The following FREM2 variants were observed in gnomAD, a reference collection of about 807,000 sequenced individuals.
FREM2 encodes FRAS1 related extracellular matrix 2, also known as FRAS1-related extracellular matrix protein 2.
Under a neutral mutation model 219.9 loss-of-function variants are expected in FREM2, and 119 were observed. The ratio of observed to expected loss-of-function variants is 0.54; its 90% confidence interval spans 0.47 to 0.63. The LOEUF (loss-of-function observed/expected upper bound fraction) is 0.63, where lower values mean the gene tolerates loss of function less well. Among genes scored for constraint, FREM2 ranks in the 30% least tolerant of loss-of-function variants. The probability of loss-of-function intolerance (pLI) is 0.00; values close to 1 mark genes in which losing one functional copy is unlikely to be tolerated. For missense variants in FREM2, 4,030 were observed against 3,993.6 expected, an observed-to-expected ratio of 1.01 and a Z score of -0.25; for synonymous variants, 1,562 against 1,522.8, an observed-to-expected ratio of 1.03 and a Z score of -0.60.
chr13:38,830,482 T>G (rs1876465078), intron 6 of FREM2, among the ~76,000 whole-genome samples: 1 of 152,226 alleles, frequency 6.6e-6, no homozygotes, highest in African/African-American at 2.4e-5. Context: ...GGTCTAACTC[T>G]GCTTCAGTCC....
rs1308876949 is a variant in FREM2, at chr13:38,885,210, C to T, written c.*4423C>T. 3 of 152,074 alleles carry T rather than the reference C, an allele frequency of 2.0e-5. No individual in the cohort carries two copies. Among genetic ancestry groups the T allele is most frequent in the African/African-American group, 7.2e-5 (3 of 41,424 alleles). The allele number at this position is 152,074 out of a possible 1,614,324, so 9.4% of individuals were successfully genotyped here. ...CAGGAAGAGTACATCAGAAACTTCTCCATAAGGAAAGAAAACTGACTCTCT... is the reference window on the plus strand; with the variant it reads ...CAGGAAGAGTACATCAGAAACTTCTTCATAAGGAAAGAAAACTGACTCTCT... On this transcript the variant is annotated 3_prime_UTR_variant, in exon 24 of 24. Coordinates refer to ENST00000280481, the MANE Select transcript of FREM2 (RefSeq NM_207361.6).
At position 38,688,722 on chromosome 13, in the gene FREM2, C is replaced by T. The variant is rs1246600902; in HGVS notation, c.1378C>T (p.Pro460Ser). 6.2e-7 allele frequency: 1 copy of T among 1,613,826 alleles called. No individual in the cohort carries two copies. The highest frequency in any genetic ancestry group is 8.5e-7 in the Non-Finnish European group (1 of 1,179,910). Residue 460 changes from proline (P) to serine (S), a missense_variant, in exon 1 of 24, where the codon CCT (proline) becomes TCT (serine). Pro to Ser is a moderately conservative substitution (Grantham distance 74). Transcript: ENST00000280481. The stretch of plus-strand genomic sequence containing the variant: ...GGGTCAGTCTCGGCCCCTCACAGGC[C>T]CTGCAGGCAGTGGTCCGCAAAACTT... ...YEGQSRPLTG[P>S]AGSGPQNLVI...
Position 38,872,979 on chromosome 13 carries a change from T to A in FREM2, c.8176+45T>A, listed in dbSNP as rs376517885. On this transcript the variant is annotated intron_variant, in intron 17 of 23. Coordinates refer to ENST00000280481, the MANE Select transcript of FREM2 (RefSeq NM_207361.6). ...AAAATTCTATAGTTTTGTAACCTAT[T>A]TAAACTATTTAAGACGATTTTTTTT... is the stretch of plus-strand genomic sequence containing the variant. 499 of 1,567,312 alleles carry A rather than the reference T, an allele frequency of 3.2e-4. No homozygotes were observed. In the Middle Eastern group the frequency reaches 5.3e-3, roughly 17 times the overall value.
At chr13:38,754,691 C>A (rs1566129540) in intron 2 of FREM2, among the ~76,000 whole-genome samples, 1 of 152,132 alleles carries the variant, frequency 6.6e-6, no homozygotes, top group East Asian at 1.9e-4. Context: ...CCTCTGCAGG[C>A]ATTTTCAGAG....
chr13:38,880,715 C>A lies in FREM2; in HGVS notation c.9438C>A (p.Ala3146=), dbSNP rs201707148. ...RGKESFRGKD[A]PKGSSSSEPM... is the part of the protein sequence containing the mutation. ...AGGAAAGTTTCAGGGGGAAGGATGC[C>A]CCGAAAGGCTCCAGCAGCAGTGAGC... Residue 3146 remains alanine (A), a synonymous_variant, in exon 24 of 24, where the codon GCC becomes GCA. Coordinates refer to ENST00000280481, the MANE Select transcript of FREM2 (RefSeq NM_207361.6). 9.9e-6 allele frequency: 16 copies of A among 1,614,082 alleles called. No individual in the cohort carries two copies. The Admixed American group carries it at 2.7e-4, about 27-fold the overall frequency.
chr13:38,699,515 C>T (rs1350004022), intron 2 of FREM2, among the ~76,000 whole-genome samples: 2 of 151,946 alleles, frequency 1.3e-5, no homozygotes, highest in African/African-American at 4.8e-5. Flanking sequence ...GGCAAGGCCT[C>T]CAAAGATTGT....
intron 2 of FREM2, among the ~76,000 whole-genome samples, chr13:38,760,332 A>G (rs1350612928): frequency 1.3e-5 from 2 of 152,220 alleles, no homozygotes; most frequent in African/African-American, 4.8e-5. Flanking sequence ...CTGTTCAGCT[A>G]TGTGTCATTC....
rs1869851262 is a variant in FREM2, at chr13:38,691,429, A to T, written c.4085A>T (p.Glu1362Val). The T allele has an allele frequency of 1.2e-6, 2 of 1,614,178 alleles. No homozygotes were observed. The highest frequency in any genetic ancestry group is 2.7e-5 in the African/African-American group (2 of 75,028). ...AGACGAAAACCTACTGGTGCCTTTG[A>T]AAATATCACACTGGGCATGAATTTT... ...LQRRKPTGAF[E>V]NITLGMNFTQ... The change falls in exon 1 of 24, where the codon GAA becomes GTA. Residue 1362 changes from glutamate (E) to valine (V), a missense_variant. Physicochemically the swap from Glu to Val is moderately radical, Grantham distance 121. Coordinates refer to ENST00000280481, the MANE Select transcript of FREM2 (RefSeq NM_207361.6).
chr13:38,883,827 CTT>C lies in FREM2; in HGVS notation c.*3041_*3042del, dbSNP rs1878634519. ...TAGAATAACAACAGCAGACTCCACT[CTT>C]GTTTGTCTAAAAGAGCCCTACTGGG... is the stretch of plus-strand genomic sequence containing the variant. On this transcript the variant is annotated 3_prime_UTR_variant, in exon 24 of 24. Transcript: ENST00000280481. The C allele has an allele frequency of 6.6e-6, 1 of 152,176 alleles. No homozygotes were observed. Among genetic ancestry groups the C allele is most frequent in the Non-Finnish European group, 1.5e-5 (1 of 68,028 alleles). 9.4% of individuals were successfully genotyped at this position (152,176 alleles called of 1,614,324 possible).
At chr13:38,853,804 G>A (rs1463730027) in intron 11 of FREM2, among the ~76,000 whole-genome samples, 2 of 152,100 alleles carry the variant, frequency 1.3e-5, no homozygotes, top group African/African-American at 4.8e-5. Flanking sequence ...AATATTAAAT[G>A]TCTTTCTATA....
Position 38,783,058 on chromosome 13 carries a change from T to C in FREM2, c.5642-12T>C, listed in dbSNP as rs144415935. The C allele has an allele frequency of 4.2e-3, 6,807 of 1,613,126 alleles. 23 individuals are homozygous for C. Among genetic ancestry groups the C allele is most frequent in the Admixed American group, 5.4e-3 (326 of 60,022 alleles). On this transcript the variant is annotated splice_polypyrimidine_tract_variant and intron_variant, in intron 4 of 23. Transcript: ENST00000280481. ...GACAAAAATAATGCTTGCAATTGTG[T>C]TTTCTCTCTAGAGCCAACTGTGTTT...
At chr13:38,830,354 T>C (rs1165541304) in intron 6 of FREM2, among the ~76,000 whole-genome samples, 1 of 152,200 alleles carries the variant, frequency 6.6e-6, no homozygotes, top group Non-Finnish European at 1.5e-5. Flanking sequence ...GCATTGTCAC[T>C]GTATTTCTGA....
In FREM2 at chr13:38,691,413, CCTA is replaced by C; in HGVS notation, c.4072_4074del (p.Thr1358del). 6.2e-7 allele frequency: 1 copy of C among 1,614,094 alleles called. No homozygotes were observed. Among genetic ancestry groups the C allele is most frequent in the Non-Finnish European group, 8.5e-7 (1 of 1,180,010 alleles). Reference sequence around the variant, plus strand: ...ACATGGCTTATTACAGAGACGAAAACCTACTGGTGCCTTTGAAAATATCACACT... The same window carrying C: ...ACATGGCTTATTACAGAGACGAAAACCTGGTGCCTTTGAAAATATCACACT... On this transcript the variant is annotated inframe_deletion, in exon 1 of 24. Transcript: ENST00000280481.
Position 38,856,187 on chromosome 13 carries a change from G to C in FREM2, c.6987G>C (p.Gly2329=). 6.2e-7 allele frequency: 1 copy of C among 1,612,222 alleles called. No individual in the cohort carries two copies. The stretch of plus-strand genomic sequence containing the variant: ...TTGAAATCGAAGTTACCTTTGACGG[G>C]GTGAGAGAGATGAGAGAGGCCTTCA... ...HVVEIEVTFD[G]VREMREAFTV... Residue 2329 remains glycine, a synonymous_variant, in exon 12 of 24, where the codon GGG becomes GGC. Transcript: ENST00000280481.
Position 38,687,177 on chromosome 13 carries a change from C to T in FREM2, c.-168C>T. ...TCCTCGGCTGCGGCTCCAGCCCGGA[C>T]GGCGCCGCGCAACTTTGCCATCCTT... On this transcript the variant is annotated 5_prime_UTR_variant, in exon 1 of 24. The change creates a new upstream start codon in the 5' untranslated region. Coordinates refer to ENST00000280481, the MANE Select transcript of FREM2 (RefSeq NM_207361.6). 1 of 933,630 alleles carries T rather than the reference C, an allele frequency of 1.1e-6. No individual in the cohort carries two copies. The highest frequency in any genetic ancestry group is 1.6e-6 in the Non-Finnish European group (1 of 621,152). 57.8% of individuals were successfully genotyped at this position (933,630 alleles called of 1,614,324 possible).
chr13:38,691,223 C>T lies in FREM2; in HGVS notation c.3879C>T (p.Leu1293=). Residue 1293 remains leucine, a synonymous_variant, in exon 1 of 24, where the codon CTC becomes CTT. Transcript: ENST00000280481. ...DGKHSVEKTV[L]IIVIPVDDET... ...AGCACTCTGTGGAAAAGACGGTCCT[C>T]ATTATAGTTATCCCTGTTGATGATG... The T allele has an allele frequency of 1.2e-6, 2 of 1,614,018 alleles. No individual in the cohort carries two copies. Among genetic ancestry groups the T allele is most frequent in the Non-Finnish European group, 1.7e-6 (2 of 1,179,960 alleles).
intron 2 of FREM2, among the ~76,000 whole-genome samples, chr13:38,733,246 C>G (rs530501981): frequency 5.4e-4 from 82 of 151,544 alleles, no homozygotes; most frequent in Non-Finnish European, 5.4e-4. Flanking sequence ...TAGACAAGCC[C>G]CTACTCCTCA....
In FREM2 at chr13:38,689,175, C is replaced by A; in HGVS notation, c.1831C>A (p.Leu611Ile). 6.2e-7 allele frequency: 1 copy of A among 1,614,096 alleles called. No homozygotes were observed. The highest frequency in any genetic ancestry group is 8.5e-7 in the Non-Finnish European group (1 of 1,180,030). ...ESPFLTTGHL[L>I]LRQTHPPHEK... Reference sequence around the variant, plus strand: ...ACCCTTCTTAACTACGGGGCATCTGCTTCTCCGCCAAACTCACCCTCCCCA... The same window carrying A: ...ACCCTTCTTAACTACGGGGCATCTGATTCTCCGCCAAACTCACCCTCCCCA... The change falls in exon 1 of 24, where the codon CTT (leucine) becomes ATT (isoleucine). Residue 611 changes from leucine (L) to isoleucine (I), a missense_variant. Around this residue, in one of 2 missense-constraint regions of FREM2, gnomAD observed 3,102 missense variants for 2,950.7 expected, o/e 1.05. Coordinates refer to ENST00000280481, the MANE Select transcript of FREM2 (RefSeq NM_207361.6).
rs1262778172 is a variant in FREM2 at position 38,881,746 on chromosome 13, T to C, written c.*959T>C. ...TGGTGAAGGGAGAAAGTGGTATTTA[T>C]TAATATAATGTGTATAATCAGAGTG... On this transcript the variant is annotated 3_prime_UTR_variant, in exon 24 of 24. Transcript: ENST00000280481. 6.6e-6 allele frequency: 1 copy of C among 152,606 alleles called. No individual in the cohort carries two copies. The highest frequency in any genetic ancestry group is 1.5e-5 in the Non-Finnish European group (1 of 68,038). 9.5% of individuals were successfully genotyped at this position (152,606 alleles called of 1,614,324 possible). A position where few individuals can be genotyped will look rare whatever the true frequency, so the allele number is the denominator to read the frequency against.
Sources: gnomAD v4.1 joint callset for allele counts (sites outside exome capture counted in the v4.1 genomes callset) on GRCh38, gnomAD v4.1.1 for gene constraint, gnomAD v4.1.1 regional missense constraint, MANE v1.5 for transcripts, NCBI Gene and HGNC (gene_info 2026-07-23, HGNC 2026-07-21) for gene names.